Variants in CSMD1 observed in about 807,000 individuals in gnomAD.
CSMD1 encodes CUB and sushi domain-containing protein 1.
A neutral mutation model predicts 417.5 loss-of-function variants in CSMD1; 213 were observed. The observed-to-expected ratio is 0.51, with a 90% CI of 0.46 to 0.57. The LOEUF is 0.57. CSMD1 is among the 20% of genes least tolerant of loss of function. The probability of loss-of-function intolerance (pLI) is 0.00; values close to 1 mark genes in which losing one functional copy is unlikely to be tolerated. For missense variants in CSMD1, 6,923 were observed against 4,529.7 expected (o/e 1.53, Z -15.17); for synonymous variants, 2,862 against 1,736.8 (o/e 1.65, Z -16.11).
At chr8:3,852,760 G>A (rs964361541) in intron 5 of CSMD1, among the ~76,000 whole-genome samples, 1 of 152,052 alleles carries the variant, frequency 6.6e-6, no homozygotes, top group Non-Finnish European at 1.5e-5. Flanking sequence ...CCGCTGCACA[G>A]GTTTGTAGGA....
intron 38 of CSMD1, among the ~76,000 whole-genome samples, chr8:3,160,996 C>A (rs1819856702): frequency 1.3e-5 from 2 of 152,202 alleles, no homozygotes; most frequent in Non-Finnish European, 2.9e-5. Flanking sequence ...CATATAAGAA[C>A]ATAGCTAAAC....
Position 3,670,780 on chromosome 8 carries a change from C to T in CSMD1, c.1009+37634G>A, listed in dbSNP as rs117696702. On this transcript the variant is annotated intron_variant, in intron 7 of 69. Coordinates refer to ENST00000635120, the MANE Select transcript of CSMD1 (RefSeq NM_033225.6). ...TATATGTATGGGATATATAAGTATA[C>T]GGGATATACATGTATATGGGATATA... is the stretch of plus-strand genomic sequence containing the variant. Among the ~76,000 whole-genome samples the T allele has an allele frequency of 2.7e-3, 278 of 102,338 alleles. 1 individual carries two copies. Among genetic ancestry groups the T allele is most frequent in the South Asian group, 6.8e-3 (19 of 2,808 alleles). The allele number at this position is 102,338 out of a possible 152,430, so 67.1% of individuals were successfully genotyped here. A position where few individuals can be genotyped will look rare whatever the true frequency, so the allele number is the denominator to read the frequency against.
At chr8:3,347,758 C>G (rs748934183) in intron 22 of CSMD1, among the ~76,000 whole-genome samples, 1 of 152,170 alleles carries the variant, frequency 6.6e-6, no homozygotes, top group African/African-American at 2.4e-5. Context: ...AGGTGCTGGA[C>G]TGATAAATGT....
At chr8:4,622,702 T>A (rs1026553101) in intron 2 of CSMD1, among the ~76,000 whole-genome samples, 2 of 152,138 alleles carry the variant, frequency 1.3e-5, no homozygotes, top group Admixed American at 1.3e-4. Flanking sequence ...ACAGAATTCA[T>A]TACATCCCAC....
At chr8:3,897,680 C>A (rs1156379477) in intron 5 of CSMD1, among the ~76,000 whole-genome samples, 9 of 152,080 alleles carry the variant, frequency 5.9e-5, no homozygotes. Flanking sequence ...TTATTATTAT[C>A]AACTTCCTTT....
chr8:3,443,724 ATT>A (rs1426989415), intron 12 of CSMD1, among the ~76,000 whole-genome samples: 1 of 152,222 alleles, frequency 6.6e-6, no homozygotes, highest in South Asian at 2.1e-4. Flanking sequence ...AGTAAATCTA[ATT>A]GTGAATCTAG....
intron 5 of CSMD1, among the ~76,000 whole-genome samples, chr8:3,847,266 G>C (rs10100118): frequency 0.025 from 3,816 of 152,204 alleles, 161 homozygotes; most frequent in African/African-American, 0.087. Flanking sequence ...TCCCTAATCA[G>C]TTGATTTTTA....
rs906258793 is a variant in CSMD1 at position 3,441,986 on chromosome 8, C to T, written c.1561+26726G>A. Reference sequence around the variant, plus strand: ...TTTCCAGTGGGACAAGATGTGGAGGCGGAAGACAGTGTGTAGGCCTAAGCT... The same window carrying T: ...TTTCCAGTGGGACAAGATGTGGAGGTGGAAGACAGTGTGTAGGCCTAAGCT... On this transcript the variant is annotated intron_variant, in intron 12 of 69. Coordinates refer to ENST00000635120, the MANE Select transcript of CSMD1 (RefSeq NM_033225.6). 2.6e-5 allele frequency among the ~76,000 whole-genome samples: 4 copies of T among 150,976 alleles called. No homozygotes were observed. The East Asian group carries it at 7.8e-4, about 29-fold the overall frequency.
At chr8:3,811,225 G>A (rs988458951) in intron 5 of CSMD1, among the ~76,000 whole-genome samples, 1 of 152,134 alleles carries the variant, frequency 6.6e-6, no homozygotes, top group Non-Finnish European at 1.5e-5. Context: ...CAATCTGTGA[G>A]TATGAAACAC....
intron 41 of CSMD1, among the ~76,000 whole-genome samples, chr8:3,138,925 T>G (rs1818274065): frequency 6.6e-6 from 1 of 151,976 alleles, no homozygotes; most frequent in Non-Finnish European, 1.5e-5. Context: ...AAGAGAGAAG[T>G]TGGAAGAGTA....
chr8:3,392,199 A>G (rs999196219), intron 17 of CSMD1, among the ~76,000 whole-genome samples: 1 of 152,146 alleles, frequency 6.6e-6, no homozygotes, highest in Non-Finnish European at 1.5e-5. Context: ...TGGCACATGT[A>G]TACATATGTA....
chr8:4,896,072 G>C (rs1049607194), intron 1 of CSMD1, among the ~76,000 whole-genome samples: 10 of 152,028 alleles, frequency 6.6e-5, no homozygotes, highest in Non-Finnish European at 1.2e-4. Context: ...GCACTATTTA[G>C]AGGCCTTCCT....
chr8:3,417,199 A>C (rs1031689495), intron 12 of CSMD1, among the ~76,000 whole-genome samples: 4 of 152,226 alleles, frequency 2.6e-5, no homozygotes, highest in Non-Finnish European at 5.9e-5. Context: ...TTATCACAAA[A>C]TAGATGTACT....
At position 3,006,952 on chromosome 8, in the gene CSMD1, A is replaced by G. The variant is rs551699772; in HGVS notation, c.8030-6821T>C. On this transcript the variant is annotated intron_variant, in intron 52 of 69. Transcript: ENST00000635120. ...TCTAATTAAACTAAAGAGCTTCTGC[A>G]CAGCAAAAGAAACTACCATCAGAGT... 7.1e-3 allele frequency among the ~76,000 whole-genome samples: 1,005 copies of G among 142,032 alleles called. 25 individuals are homozygous for G. Among genetic ancestry groups the G allele is most frequent in the Non-Finnish European group, 0.011 (735 of 67,496 alleles). The allele number at this position is 142,032 out of a possible 152,430, so 93.2% of individuals were successfully genotyped here.
chr8:3,404,409 G>A (rs145155189), intron 15 of CSMD1, among the ~76,000 whole-genome samples: 258 of 151,988 alleles, frequency 1.7e-3, no homozygotes, highest in African/African-American at 5.4e-3. Context: ...GTGGGACCAG[G>A]GCAGGATGAG....
chr8:3,877,364 C>T (rs983352808), intron 5 of CSMD1, among the ~76,000 whole-genome samples: 2 of 152,178 alleles, frequency 1.3e-5, no homozygotes, highest in South Asian at 2.1e-4. Flanking sequence ...TCTTCCATGG[C>T]TACCTGCCAG....
chr8:3,691,782 C>T (rs1337572634), intron 7 of CSMD1, among the ~76,000 whole-genome samples: 1 of 150,736 alleles, frequency 6.6e-6, no homozygotes, highest in African/African-American at 2.4e-5. Context: ...ACATTTATTT[C>T]TCTTTGGTTT....
intron 1 of CSMD1, among the ~76,000 whole-genome samples, chr8:4,948,057 T>C (rs1345229624): frequency 1.3e-5 from 2 of 151,690 alleles, no homozygotes; most frequent in Non-Finnish European, 2.9e-5. Context: ...GTAGATACCA[T>C]AGTAGTAGAA....
chr8:3,807,681 A>G (rs1011130079), intron 5 of CSMD1, among the ~76,000 whole-genome samples: 1 of 152,122 alleles, frequency 6.6e-6, no homozygotes, highest in African/African-American at 2.4e-5. Flanking sequence ...CTATATAATT[A>G]AGTTTTGGCT....
Sources: gnomAD v4.1 joint callset for allele counts (sites outside exome capture counted in the v4.1 genomes callset) on GRCh38, gnomAD v4.1.1 for gene constraint, MANE v1.5 for transcripts, NCBI Gene and HGNC (gene_info 2026-07-23, HGNC 2026-07-21) for gene names.